GRIK2: variants seen among roughly 807,000 people sequenced by gnomAD.
The protein encoded by GRIK2 is glutamate receptor ionotropic, kainate 2.
Under a neutral mutation model 100.3 loss-of-function variants are expected in GRIK2, and 32 were observed. The observed-to-expected ratio is 0.32, with a 90% CI of 0.24 to 0.43. The LOEUF is 0.43. Ranked by LOEUF, GRIK2 falls within the 20% of genes least tolerant of loss-of-function variation. The probability of loss-of-function intolerance (pLI) is 1.00; values close to 1 mark genes in which losing one functional copy is unlikely to be tolerated. For missense variants in GRIK2, 843 were observed against 1,114.9 expected (o/e 0.76, Z 3.47); for synonymous variants, 417 against 389.4 (o/e 1.07, Z -0.83).
chr6:101,769,181 T>G (rs1778243866), intron 7 of GRIK2, among the ~76,000 whole-genome samples: 1 of 152,196 alleles, frequency 6.6e-6, no homozygotes, highest in African/African-American at 2.4e-5. Context: ...ATGTGTAATA[T>G]CTTTGTACTG....
In GRIK2 at chr6:102,054,755, T is replaced by C. The variant is rs189816582; in HGVS notation, c.2312-575T>C. ...TGATTTATAAAGTAAATCACCATAA[T>C]GATTTTTAAATTATCTAAGTCCATA... On this transcript the variant is annotated intron_variant, in intron 15 of 16. Transcript: ENST00000369134. 3.0e-3 allele frequency among the ~76,000 whole-genome samples: 464 copies of C among 152,272 alleles called. 3 individuals are homozygous for C. The highest frequency in any genetic ancestry group is 9.8e-3 in the African/African-American group (408 of 41,578).
At chr6:101,987,915 CT>C (rs1161645258) in intron 14 of GRIK2, among the ~76,000 whole-genome samples, 3 of 151,568 alleles carry the variant, frequency 2.0e-5, no homozygotes, top group Non-Finnish European at 1.5e-5. Context: ...CTCAATACCC[CT>C]ATTTATAGAT....
intron 12 of GRIK2, among the ~76,000 whole-genome samples, chr6:101,919,996 T>C (rs1363982504): frequency 6.6e-6 from 1 of 151,886 alleles, no homozygotes; most frequent in African/African-American, 2.4e-5. Flanking sequence ...TGCTCACTTT[T>C]TTAAAAACCT....
intron 7 of GRIK2, among the ~76,000 whole-genome samples, chr6:101,782,462 A>G (rs188988183): frequency 1.5e-3 from 234 of 152,228 alleles, no homozygotes; most frequent in Admixed American, 5.7e-3. Context: ...ATGTGATCTT[A>G]CTTTCTGCGC....
intron 14 of GRIK2, among the ~76,000 whole-genome samples, chr6:102,009,603 A>G (rs1250325861): frequency 1.3e-5 from 2 of 152,170 alleles, no homozygotes; most frequent in Non-Finnish European, 2.9e-5. Context: ...TGTCTTCTGG[A>G]TTAATTACTC....
At chr6:101,809,237 A>C (rs1390238215) in intron 9 of GRIK2, among the ~76,000 whole-genome samples, 1 of 151,952 alleles carries the variant, frequency 6.6e-6, no homozygotes, top group Non-Finnish European at 1.5e-5. Context: ...GGAGGATAAG[A>C]ATTGATAGTG....
intron 16 of GRIK2, chr6:102,065,999 G>T (rs974265697): frequency 2.6e-6 from 2 of 775,626 alleles, no homozygotes; most frequent in African/African-American, 3.7e-5. Flanking sequence ...TCCTTTAATA[G>T]AAATATAATT....
chr6:101,453,555 T>A (rs747903277), intron 2 of GRIK2, among the ~76,000 whole-genome samples: 10 of 152,102 alleles, frequency 6.6e-5, no homozygotes, highest in Non-Finnish European at 7.4e-5. Context: ...GCTTGAACTG[T>A]CAGAAATATA....
chr6:101,800,219 A>G (rs1176752224), intron 8 of GRIK2, among the ~76,000 whole-genome samples: 2 of 151,976 alleles, frequency 1.3e-5, no homozygotes, highest in Non-Finnish European at 2.9e-5. Flanking sequence ...AATTATATTT[A>G]CAATTAACAA....
At chr6:101,716,308 G>A (rs1417043860) in intron 7 of GRIK2, among the ~76,000 whole-genome samples, 1 of 151,572 alleles carries the variant, frequency 6.6e-6, no homozygotes, top group African/African-American at 2.4e-5. Flanking sequence ...TAATGAAGAG[G>A]AAAGGTATAC....
intron 4 of GRIK2, among the ~76,000 whole-genome samples, chr6:101,671,584 G>T (rs1034927525): frequency 2.0e-5 from 3 of 152,236 alleles, no homozygotes; most frequent in Non-Finnish European, 4.4e-5. Flanking sequence ...AACAAAGAAG[G>T]GCTGGGCACG....
At chr6:101,984,523 G>T (rs2852605) in intron 14 of GRIK2, among the ~76,000 whole-genome samples, 143,796 of 151,464 alleles carry the variant, frequency 0.95, 68,295 homozygotes, top group African/African-American at 0.98. Context: ...GAAATACTCC[G>T]CAACAGTTAC....
At chr6:101,627,094 T>TGC (rs1436229276) in intron 4 of GRIK2, among the ~76,000 whole-genome samples, 2 of 147,286 alleles carry the variant, frequency 1.4e-5, no homozygotes, top group Non-Finnish European at 3.0e-5. Context: ...GAATAATGTG[T>TGC]GTGTGTGTGC....
At chr6:101,505,477 T>C (rs888693259) in intron 2 of GRIK2, among the ~76,000 whole-genome samples, 1 of 152,114 alleles carries the variant, frequency 6.6e-6, no homozygotes, top group Non-Finnish European at 1.5e-5. Flanking sequence ...TTATTAGCAA[T>C]GGCACTAAAC....
chr6:101,607,595 G>C (rs1779494235), intron 2 of GRIK2, among the ~76,000 whole-genome samples: 1 of 151,914 alleles, frequency 6.6e-6, no homozygotes, highest in African/African-American at 2.4e-5. Flanking sequence ...AATCAATTAA[G>C]TTAACCTTTA....
At chr6:101,519,290 C>T (rs980427087) in intron 2 of GRIK2, among the ~76,000 whole-genome samples, 2 of 142,034 alleles carry the variant, frequency 1.4e-5, no homozygotes, top group South Asian at 2.3e-4. Context: ...TGGCGCATTG[C>T]GGAGTTAAAC....
intron 11 of GRIK2, among the ~76,000 whole-genome samples, chr6:101,860,150 G>A (rs1371516992): frequency 6.6e-6 from 1 of 151,742 alleles, no homozygotes; most frequent in Non-Finnish European, 1.5e-5. Flanking sequence ...ATGGTTCTTG[G>A]TGGTACAATA....
intron 14 of GRIK2, among the ~76,000 whole-genome samples, chr6:101,974,066 T>C (rs1793221623): frequency 6.6e-6 from 1 of 152,110 alleles, no homozygotes; most frequent in South Asian, 2.1e-4. Flanking sequence ...TTCCAAGTTC[T>C]GAAAGTTATT....
intron 2 of GRIK2, among the ~76,000 whole-genome samples, chr6:101,409,760 A>C (rs1157808295): frequency 6.6e-6 from 1 of 152,034 alleles, no homozygotes; most frequent in Non-Finnish European, 1.5e-5. Context: ...GAAAATGTGT[A>C]GAGCTCTGAG....
Sources: gnomAD v4.1 joint callset for allele counts (sites outside exome capture counted in the v4.1 genomes callset) on GRCh38, gnomAD v4.1.1 for gene constraint, MANE v1.5 for transcripts, NCBI Gene and HGNC (gene_info 2026-07-23, HGNC 2026-07-21) for gene names.